SLC38A2: variants seen among roughly 807,000 people sequenced by gnomAD.
The protein encoded by SLC38A2 is solute carrier family 38 member 2.
SLC38A2 carries 11 observed loss-of-function variants against 61.5 expected under a neutral mutation model. The ratio of observed to expected loss-of-function variants is 0.18; its 90% CI spans 0.11 to 0.30. SLC38A2 has a LOEUF of 0.30. Among genes scored for constraint, SLC38A2 ranks in the 10% least tolerant of loss-of-function variants. The probability of loss-of-function intolerance (pLI) is 1.00; values close to 1 mark genes in which losing one functional copy is unlikely to be tolerated. For synonymous variants in SLC38A2, 217 were observed against 212.5 expected (o/e 1.02, Z -0.18); for missense variants, 522 against 600.4 (o/e 0.87, Z 1.36).
rs748956894 is a variant in SLC38A2, at chr12:46,367,056, A to T, written c.481+20T>A. On this transcript the variant is annotated intron_variant, in intron 6 of 15. Coordinates refer to ENST00000256689, the MANE Select transcript of SLC38A2 (RefSeq NM_018976.5). ...AATGAGCATAAAGTCTACCCAAATA[A>T]TCTTTTGAAAAATTCTTACCTCCAA... 1.2e-6 allele frequency: 2 copies of T among 1,611,978 alleles called. No individual in the cohort carries two copies. The highest frequency in any genetic ancestry group is 1.7e-6 in the Non-Finnish European group (2 of 1,178,378).
chr12:46,367,986 C>G (rs577651779), intron 4 of SLC38A2, among the ~76,000 whole-genome samples: 1 of 151,994 alleles, frequency 6.6e-6, no homozygotes. Flanking sequence ...GAAGGAAAAA[C>G]AAAAAGCCAG....
intron 15 of SLC38A2, 81 bp from the exon 16 acceptor site, chr12:46,361,290 T>C (rs1943078772): frequency 2.7e-6 from 3 of 1,107,928 alleles, no homozygotes; most frequent in Non-Finnish European, 4.0e-6. Context: ...TGAAATGTGC[T>C]TTAATTACTA....
At chr12:46,371,412 A>G (rs1346823620) in intron 1 of SLC38A2, 33 bp from the exon 2 acceptor site, 1 of 742,464 alleles carries the variant, frequency 1.3e-6, no homozygotes, top group Non-Finnish European at 2.2e-6. Context: ...TCAGGACCGC[A>G]GCGCCAGCCC....
rs561046204 is a variant in SLC38A2, at chr12:46,368,626, A to G, written c.315-1286T>C. On this transcript the variant is annotated intron_variant, in intron 4 of 15. Coordinates refer to ENST00000256689, the MANE Select transcript of SLC38A2 (RefSeq NM_018976.5). ...AATTCCGTATGAACAAACTGCACGC[A>G]GTACCATGTAAGGTGCTGACAAAGA... Among the ~76,000 whole-genome samples, 4 of 152,370 alleles carry G rather than the reference A, an allele frequency of 2.6e-5. No homozygotes were observed. In the South Asian group the frequency reaches 8.3e-4, roughly 32 times the overall value.
intron 9 of SLC38A2, 39 bp downstream of exon 9, chr12:46,364,605 C>T: frequency 6.3e-7 from 1 of 1,595,042 alleles, no homozygotes; most frequent in East Asian, 2.2e-5. Context: ...CATGGCAGGG[C>T]TTATAAAAAA....
intron 13 of SLC38A2, 157 bp from the exon 14 acceptor site, chr12:46,362,795 C>T: frequency 2.1e-6 from 2 of 972,866 alleles, no homozygotes; most frequent in Non-Finnish European, 2.9e-6. Context: ...TCTGCTGTTT[C>T]CTGAACATCT....
Position 46,370,758 on chromosome 12 carries a change from T to C in SLC38A2, c.198+18A>G. ...CTCCATAAAGCCACTGACAGACAAATTACTATTTTTAACTTACAAATTCTG... is the reference window on the plus strand; with the variant it reads ...CTCCATAAAGCCACTGACAGACAAACTACTATTTTTAACTTACAAATTCTG... On this transcript the variant is annotated intron_variant, in intron 3 of 15. Transcript: ENST00000256689. 1 of 1,592,738 alleles carries C rather than the reference T, an allele frequency of 6.3e-7. No individual in the cohort carries two copies.
chr12:46,370,618 T>C lies in SLC38A2; in HGVS notation c.208A>G (p.Thr70Ala). The change falls in exon 4 of 16, where the codon ACT (threonine) becomes GCT (alanine). Residue 70 changes from threonine (T) to alanine (A), a missense_variant. Transcript: ENST00000256689. ...AATACTGACATTCCAAAGGAAGTAG[T>C]ACCTGGATGCTACATAGAGGGAAAA... The part of the protein sequence containing the change: ...KKYETEFHPG[T>A]TSFGMSVFNL... The C allele has an allele frequency of 6.2e-7, 1 of 1,612,636 alleles. No individual in the cohort carries two copies. Among genetic ancestry groups the C allele is most frequent in the Non-Finnish European group, 8.5e-7 (1 of 1,178,594 alleles).
chr12:46,361,742 T>C (rs1038404547), intron 15 of SLC38A2: 2 of 156,094 alleles, frequency 1.3e-5, no homozygotes, highest in African/African-American at 4.8e-5. Context: ...AGCAGTCTTT[T>C]TCCTAAATAT....
In SLC38A2 at chr12:46,367,302, G is replaced by C; in HGVS notation, c.353C>G (p.Ser118Cys). The change falls in exon 5 of 16, where the codon TCT becomes TGT. Residue 118 changes from serine to cysteine, a missense_variant. Transcript: ENST00000256689. Reference sequence around the variant, plus strand: ...GGCAGTCTTCAAAAGGAGATGAACAGAATACAGGGAAAATATTGACACAAA... The same window carrying C: ...GGCAGTCTTCAAAAGGAGATGAACACAATACAGGGAAAATATTGACACAAA... ...LTFVSIFSLYSVHLLLKTANE... is the reference protein window; with the variant it reads ...LTFVSIFSLYCVHLLLKTANE... 6.2e-7 allele frequency: 1 copy of C among 1,600,692 alleles called. No individual in the cohort carries two copies. The highest frequency in any genetic ancestry group is 8.6e-7 in the Non-Finnish European group (1 of 1,168,182).
In SLC38A2 at chr12:46,363,742, T is replaced by C; in HGVS notation, c.1038A>G (p.Gly346=). The C allele has an allele frequency of 6.3e-7, 1 of 1,575,746 alleles. No homozygotes were observed. The highest frequency in any genetic ancestry group is 8.6e-7 in the Non-Finnish European group (1 of 1,168,218). Residue 346 remains glycine (G), a synonymous_variant, in exon 12 of 16, where the codon GGA becomes GGG. Transcript: ENST00000256689. Reference sequence around the variant, plus strand: ...GTTACTTACCGTAAAATGTTAGGTATCCAAAGAGGGCGGCAAGCAGATACA... The same window carrying C: ...GTTACTTACCGTAAAATGTTAGGTACCCAAAGAGGGCGGCAAGCAGATACA... ...FLMYLLAALF[G]YLTFYEHVES...
intron 7 of SLC38A2, among the ~76,000 whole-genome samples, chr12:46,365,806 C>T (rs1242867804): frequency 6.6e-6 from 1 of 152,002 alleles, no homozygotes; most frequent in Admixed American, 6.6e-5. Context: ...CAAAGACAGC[C>T]AAAAATATCC....
At chr12:46,361,912 C>T (rs1053657776) in intron 15 of SLC38A2, 1 of 170,282 alleles carries the variant, frequency 5.9e-6, no homozygotes, top group African/African-American at 2.4e-5. Flanking sequence ...CAGTCTCATT[C>T]AACTAAACAG....
chr12:46,372,569 T>C lies in SLC38A2; in HGVS notation c.-147A>G, dbSNP rs1943217564. On this transcript the variant is annotated 5_prime_UTR_variant, in exon 1 of 16. Coordinates refer to ENST00000256689, the MANE Select transcript of SLC38A2 (RefSeq NM_018976.5). ...TGGGTTTCTCTCAGTCAAATACAAATCATAAAAAACAAACAAAAAATTTCC... is the reference window on the plus strand; with the variant it reads ...TGGGTTTCTCTCAGTCAAATACAAACCATAAAAAACAAACAAAAAATTTCC... 2.5e-6 allele frequency: 1 copy of C among 394,520 alleles called. No homozygotes were observed. The highest frequency in any genetic ancestry group is 4.5e-6 in the Non-Finnish European group (1 of 223,764). 24.4% of individuals were successfully genotyped at this position (394,520 alleles called of 1,614,324 possible). A position where few individuals can be genotyped will look rare whatever the true frequency, so the allele number is the denominator to read the frequency against.
intron 1 of SLC38A2, chr12:46,372,295 C>A (rs986291550): frequency 1.1e-5 from 2 of 180,916 alleles, no homozygotes; most frequent in African/African-American, 4.7e-5. Context: ...AGGCACGCGG[C>A]CCCCGCCCAG....
rs761988977 is a variant in SLC38A2 at position 46,370,512 on chromosome 12, A to G, written c.314T>C (p.Ile105Thr). The change falls in exon 4 of 16, where the codon ATA (isoleucine) becomes ACA (threonine). Residue 105 changes from isoleucine (I) to threonine (T), a missense_variant and splice_region_variant. Transcript: ENST00000256689. ...AMANTGIALFIILLTFVSIFS... is the reference protein window; with the variant it reads ...AMANTGIALFTILLTFVSIFS... ...AGACTCACTACTTACACATACTTACATAAAAAGAGCAATTCCAGTATTAGC... is the reference window on the plus strand; with the variant it reads ...AGACTCACTACTTACACATACTTACGTAAAAAGAGCAATTCCAGTATTAGC... The G allele has an allele frequency of 2.5e-6, 4 of 1,609,714 alleles. No homozygotes were observed. The highest frequency in any genetic ancestry group is 3.4e-6 in the Non-Finnish European group (4 of 1,175,964).
At chr12:46,362,814 AAAG>A in intron 13 of SLC38A2, 176 bp from the exon 14 acceptor site, 1 of 931,620 alleles carries the variant, frequency 1.1e-6, no homozygotes, top group Non-Finnish European at 1.5e-6. Flanking sequence ...CTGAACACTT[AAAG>A]ATCATTTTAT....
intron 10 of SLC38A2, 74 bp downstream of exon 10, chr12:46,364,315 T>C: frequency 1.4e-6 from 2 of 1,403,208 alleles, no homozygotes; most frequent in Non-Finnish European, 9.6e-7. Flanking sequence ...CTCCTCCCTT[T>C]ACCCTGGGAG....
chr12:46,364,512 A>G lies in SLC38A2; in HGVS notation c.750T>C (p.Ala250=). 3.7e-6 allele frequency: 6 copies of G among 1,612,532 alleles called. No homozygotes were observed. The highest frequency in any genetic ancestry group is 1.7e-5 in the Admixed American group (1 of 59,764). The stretch of plus-strand genomic sequence containing the variant: ...TGTTTATTGTTTCGTTAATTATCAA[A>G]GCAGCTTCCACAGGACACGGAACCT... The part of the protein sequence containing the change: ...KFQVPCPVEA[A]LIINETINTT... Residue 250 remains alanine (A), a synonymous_variant, in exon 10 of 16, where the codon GCT becomes GCC. Coordinates refer to ENST00000256689, the MANE Select transcript of SLC38A2 (RefSeq NM_018976.5).
Sources: gnomAD v4.1 joint callset for allele counts (sites outside exome capture counted in the v4.1 genomes callset) on GRCh38, gnomAD v4.1.1 for gene constraint, MANE v1.5 for transcripts, NCBI Gene and HGNC (gene_info 2026-07-23, HGNC 2026-07-21) for gene names.